Variants in MYLK3 observed in about 807,000 individuals in gnomAD.
MYLK3 encodes the protein MLC kinase.
In MYLK3, 55 loss-of-function variants were observed where a neutral mutation model predicts 76.3. The ratio of observed to expected loss-of-function variants is 0.72; its 90% CI spans 0.58 to 0.90. The LOEUF is 0.90. Ranked by LOEUF, MYLK3 falls within the 40% of genes least tolerant of loss-of-function variation. MYLK3 has a pLI of 0.00. For missense variants in MYLK3, 973 were observed against 1,053.6 expected (o/e 0.92, Z 1.06); for synonymous variants, 416 against 425.4 (o/e 0.98, Z 0.27).
chr16:46,729,616 T>G lies in MYLK3; in HGVS notation c.1640A>C (p.Lys547Thr). 6.2e-7 allele frequency: 1 copy of G among 1,613,764 alleles called. No homozygotes were observed. Among genetic ancestry groups the G allele is most frequent in the Non-Finnish European group, 8.5e-7 (1 of 1,179,810 alleles). ...CACCCGGTCCTTGGCGCTCTTCACT[T>G]TGATGATCTTGGCAGCCAGTGGGAG... ...TGLPLAAKIIKVKSAKDREDV... is the reference protein window; with the variant it reads ...TGLPLAAKIITVKSAKDREDV... Residue 547 changes from lysine (K) to threonine (T), a missense_variant, in exon 6 of 13, where the codon AAA becomes ACA. This residue lies in a region of MYLK3 where 332 missense variants were observed against 416.6 expected (regional missense o/e 0.80). Coordinates refer to ENST00000394809, the MANE Select transcript of MYLK3 (RefSeq NM_182493.3).
At chr16:46,736,880 G>A (rs537451152) in intron 3 of MYLK3, among the ~76,000 whole-genome samples, 1 of 152,086 alleles carries the variant, frequency 6.6e-6, no homozygotes. Context: ...GCTGGGGAGG[G>A]CATGAGAGTC....
intron 1 of MYLK3, 141 bp from the exon 2 acceptor site, chr16:46,740,288 T>C (rs1364495325): frequency 1.6e-6 from 1 of 640,980 alleles, no homozygotes. Context: ...CATTGGAGAG[T>C]AGATACTGCA....
intron 1 of MYLK3, among the ~76,000 whole-genome samples, chr16:46,762,291 C>T (rs1967288084): frequency 1.3e-5 from 2 of 152,196 alleles, no homozygotes; most frequent in African/African-American, 4.8e-5. Flanking sequence ...GTGAGAATTA[C>T]AGATAATCTC....
At chr16:46,725,832 G>A (rs1469314865) in intron 8 of MYLK3, 1 of 152,138 alleles carries the variant, frequency 6.6e-6, no homozygotes, top group African/African-American at 2.4e-5. Context: ...ATTTGTAAAG[G>A]TGTTAATTCT....
At position 46,727,315 on chromosome 16, in the gene MYLK3, T is replaced by A; in HGVS notation, c.1835A>T (p.Asp612Val). 1 of 1,614,030 alleles carries A rather than the reference T, an allele frequency of 6.2e-7. No individual in the cohort carries two copies. The highest frequency in any genetic ancestry group is 8.5e-7 in the Non-Finnish European group (1 of 1,179,900). ...GATCTGCCTGGTGAACAGGACCACA[T>A]CCAGCTCAGTCAGGTGGTACTTCTC... ...TDEKYHLTEL[D>V]VVLFTRQICE... Residue 612 changes from aspartate (D) to valine (V), a missense_variant, in exon 8 of 13, where the codon GAT (aspartate) becomes GTT (valine). Asp to Val is a radical substitution (Grantham distance 152). Around this residue, in one of 2 missense-constraint regions of MYLK3, gnomAD observed 332 missense variants for 416.6 expected, o/e 0.80. Transcript: ENST00000394809.
intron 4 of MYLK3, 140 bp from the exon 5 acceptor site, chr16:46,730,838 C>T: frequency 1.4e-6 from 1 of 694,864 alleles, no homozygotes; most frequent in Non-Finnish European, 2.5e-6. Flanking sequence ...TTTCTCCAAA[C>T]CATCTCAGTA....
At chr16:46,742,741 C>T (rs1001263494) in intron 1 of MYLK3, among the ~76,000 whole-genome samples, 18 of 152,194 alleles carry the variant, frequency 1.2e-4, no homozygotes, top group Admixed American at 6.5e-4. Context: ...AGCCCAGCAC[C>T]GGCGTGGGGG....
rs543160519 is a variant in MYLK3 at position 46,732,359 on chromosome 16, G to T, written c.1311C>A (p.Asp437Glu). ...RPSLARSDDN[D>E]HEVGALGLQQ... ...GCAGGCCCAGGGCCCCAACCTCGTG[G>T]TCATTGTCGTCACTCCTGGCCAAGC... is the stretch of plus-strand genomic sequence containing the variant. Residue 437 changes from aspartate to glutamate, a missense_variant, in exon 4 of 13, where the codon GAC becomes GAA. Coordinates refer to ENST00000394809, the MANE Select transcript of MYLK3 (RefSeq NM_182493.3). The T allele has an allele frequency of 4.3e-6, 7 of 1,613,520 alleles. No individual in the cohort carries two copies. In the East Asian group the frequency reaches 1.6e-4, roughly 36 times the overall value.
At chr16:46,725,701 T>G (rs776727701) in intron 8 of MYLK3, 20 of 152,352 alleles carry the variant, frequency 1.3e-4, no homozygotes, top group Middle Eastern at 6.8e-3. Context: ...TGCATCTATA[T>G]CCATAAGGGA....
At position 46,737,875 on chromosome 16, in the gene MYLK3, C is replaced by A. The variant is rs771402706; in HGVS notation, c.837G>T (p.Glu279Asp). Residue 279 changes from glutamate to aspartate, a missense_variant, in exon 3 of 13, where the codon GAG becomes GAT. Glu to Asp is a conservative substitution (Grantham distance 45). This residue lies in a region of MYLK3 where 641 missense variants were observed against 637.0 expected (regional missense o/e 1.01). Transcript: ENST00000394809. ...GRVNVVSPSL[E>D]VAPGAGQGAS... ...CTCCTTGTCCTGCACCTGGTGCAAC[C>A]TCCAGGCTCGGGGAGACCACATTGA... 4 of 1,614,160 alleles carry A rather than the reference C, an allele frequency of 2.5e-6. No individual in the cohort carries two copies. The South Asian group carries it at 4.4e-5, about 18-fold the overall frequency.
chr16:46,760,714 T>C (rs998289835), intron 1 of MYLK3, among the ~76,000 whole-genome samples: 1 of 152,036 alleles, frequency 6.6e-6, no homozygotes, highest in African/African-American at 2.4e-5. Flanking sequence ...AGTCCCAAGA[T>C]GTCTTGGTAT....
At chr16:46,718,624 A>T (rs1197461194) in intron 9 of MYLK3, among the ~76,000 whole-genome samples, 2 of 152,182 alleles carry the variant, frequency 1.3e-5, no homozygotes, top group Non-Finnish European at 2.9e-5. Context: ...TGGATGTGAT[A>T]GAGGGTACCG....
At chr16:46,709,512 A>T (rs752430677) in intron 12 of MYLK3, 27 bp downstream of exon 12, 2 of 1,604,286 alleles carry the variant, frequency 1.2e-6, no homozygotes, top group Non-Finnish European at 8.5e-7. Context: ...GACAAATTCC[A>T]CCTTTACTAA....
In MYLK3 at chr16:46,709,545, T is replaced by C. The variant is rs757189674; in HGVS notation, c.2394A>G (p.Lys798=). 4 of 1,613,386 alleles carry C rather than the reference T, an allele frequency of 2.5e-6. No individual in the cohort carries two copies. In the African/African-American group the frequency reaches 4.0e-5, roughly 16 times the overall value. Reference sequence around the variant, plus strand: ...TAAGAGAAAAACCAAATACCTTCCATTTTCTTTGAGCTATGTATTTCTGCA... The same window carrying C: ...TAAGAGAAAAACCAAATACCTTCCACTTTCTTTGAGCTATGTATTTCTGCA... ...LLLQKYIAQR[K]WKKHFYVVTA... Residue 798 remains lysine (K), a synonymous_variant, in exon 12 of 13, where the codon AAA becomes AAG. Coordinates refer to ENST00000394809, the MANE Select transcript of MYLK3 (RefSeq NM_182493.3).
intron 10 of MYLK3, chr16:46,711,824 G>C (rs558670842): frequency 4.4e-6 from 1 of 226,786 alleles, no homozygotes; most frequent in Non-Finnish European, 9.2e-6. Context: ...ATACCCCCTA[G>C]ATGAAATAAC....
At chr16:46,715,771 C>A (rs1186730179) in intron 9 of MYLK3, among the ~76,000 whole-genome samples, 1 of 152,180 alleles carries the variant, frequency 6.6e-6, no homozygotes, top group South Asian at 2.1e-4. Context: ...ATATGTGCCT[C>A]CACTGCACCA....
At chr16:46,742,358 A>G (rs1404316694) in intron 1 of MYLK3, among the ~76,000 whole-genome samples, 2 of 151,878 alleles carry the variant, frequency 1.3e-5, no homozygotes, top group African/African-American at 2.4e-5. Context: ...GGAGTTCAAG[A>G]CCAGCCTGGC....
At position 46,707,601 on chromosome 16, in the gene MYLK3, C is replaced by G. The variant is rs1966638677; in HGVS notation, c.*103G>C. The G allele has an allele frequency of 1.4e-6, 1 of 738,514 alleles. No homozygotes were observed. Among genetic ancestry groups the G allele is most frequent in the Non-Finnish European group, 2.3e-6 (1 of 440,894 alleles). 45.7% of individuals were successfully genotyped at this position (738,514 alleles called of 1,614,324 possible). A position where few individuals can be genotyped will look rare whatever the true frequency, so the allele number is the denominator to read the frequency against. ...ACCATTTTTACAAAATAAGTGGAAT[C>G]AATAATACCAAAAAGCCAAATTATT... On this transcript the variant is annotated 3_prime_UTR_variant, in exon 13 of 13. Transcript: ENST00000394809.
intron 8 of MYLK3, among the ~76,000 whole-genome samples, chr16:46,723,490 T>A (rs1966819191): frequency 6.6e-6 from 1 of 152,206 alleles, no homozygotes; most frequent in African/African-American, 2.4e-5. Flanking sequence ...TATGTTTTAA[T>A]TCTCTTAGGG....
Sources: gnomAD v4.1 joint callset for allele counts (sites outside exome capture counted in the v4.1 genomes callset) on GRCh38, gnomAD v4.1.1 for gene constraint, gnomAD v4.1.1 regional missense constraint, MANE v1.5 for transcripts, NCBI Gene and HGNC (gene_info 2026-07-23, HGNC 2026-07-21) for gene names.